Variants in RAPGEF1 observed in about 807,000 individuals in gnomAD.
RAPGEF1 encodes the protein Rap guanine nucleotide exchange factor 1, also known as CRK SH3-binding GNRP.
A neutral mutation model predicts 143.3 loss-of-function variants in RAPGEF1; 33 were observed. That is an observed-to-expected ratio of 0.23 (90% CI 0.17 to 0.31). The LOEUF (loss-of-function observed/expected upper bound fraction) is 0.31. RAPGEF1 is among the 10% of genes least tolerant of loss of function. The pLI, the probability that RAPGEF1 is intolerant of heterozygous loss-of-function variation, is 1.00. For synonymous variants in RAPGEF1, 629 were observed against 676.5 expected, an observed-to-expected ratio of 0.93 and a Z score of 1.09; for missense variants, 1,199 against 1,645.4, an observed-to-expected ratio of 0.73 and a Z score of 4.69.
intron 11 of RAPGEF1, among the ~76,000 whole-genome samples, chr9:131,620,126 G>C (rs1296140152): frequency 6.6e-6 from 1 of 152,208 alleles, no homozygotes; most frequent in Non-Finnish European, 1.5e-5. Flanking sequence ...CTGCCCTGCA[G>C]GCGTGGTAGA....
At chr9:131,625,779 A>G (rs1962818556) in intron 10 of RAPGEF1, 143 bp downstream of exon 10, 1 of 1,133,220 alleles carries the variant, frequency 8.8e-7, no homozygotes, top group Admixed American at 2.9e-5. Flanking sequence ...CCTGGCTCCC[A>G]GAAGTGTCCA....
intron 19 of RAPGEF1, 98 bp from the exon 20 acceptor site, chr9:131,589,084 C>T (rs1038436470): frequency 2.0e-5 from 23 of 1,166,822 alleles, no homozygotes; most frequent in East Asian, 1.2e-4. Context: ...GGGCTGTGAC[C>T]GGCACAGAGC....
chr9:131,658,207 C>A (rs1400022161), intron 1 of RAPGEF1, among the ~76,000 whole-genome samples: 4 of 152,176 alleles, frequency 2.6e-5, no homozygotes, highest in Non-Finnish European at 4.4e-5. Context: ...AACAATTCTC[C>A]CAAGTGGCTA....
intron 12 of RAPGEF1, among the ~76,000 whole-genome samples, chr9:131,614,239 C>A (rs1257997684): frequency 2.0e-5 from 3 of 152,206 alleles, no homozygotes. Context: ...TCAATGTGAT[C>A]TAGCTCTGAC....
chr9:131,637,909 AGGCTGG>A, intron 5 of RAPGEF1, among the ~76,000 whole-genome samples: 2 of 152,350 alleles, frequency 1.3e-5, no homozygotes, highest in East Asian at 3.9e-4. Flanking sequence ...CCAGGTGCTA[AGGCTGG>A]CCCCTTTCTA....
rs868126957 is a variant in RAPGEF1 at position 131,586,544 on chromosome 9, A to C, written c.3233+1192T>G. On this transcript the variant is annotated intron_variant, in intron 22 of 26. Transcript: ENST00000683357. ...CCGTCAAACACACACACACACACACACCTGCAGAGCGAGACTCCGTCTCAA... is the reference window on the plus strand; with the variant it reads ...CCGTCAAACACACACACACACACACCCCTGCAGAGCGAGACTCCGTCTCAA... Among the ~76,000 whole-genome samples the C allele has an allele frequency of 4.4e-4, 36 of 82,238 alleles. 6 individuals are homozygous for C. The highest frequency in any genetic ancestry group is 2.0e-3 in the African/African-American group (32 of 16,322). 54.0% of individuals were successfully genotyped at this position (82,238 alleles called of 152,430 possible).
chr9:131,595,664 C>A (rs1395452018), intron 17 of RAPGEF1, among the ~76,000 whole-genome samples: 1 of 145,306 alleles, frequency 6.9e-6, no homozygotes, highest in Admixed American at 7.0e-5. Context: ...AGGTCACTAG[C>A]ACCTCCTTTC....
chr9:131,675,398 C>T lies in RAPGEF1; in HGVS notation c.62-24449G>A, dbSNP rs867552411. On this transcript the variant is annotated intron_variant, in intron 1 of 26. Transcript: ENST00000683357. The surrounding 1 kb of genome is among the most constrained non-coding windows in gnomAD (Gnocchi z 4.6). ...CGGCAGCTTCCTGCGGGTGCCGGGA[C>T]GTGCCGTCCACAGGGTTCACCATGT... is the stretch of plus-strand genomic sequence containing the variant. 5.3e-5 allele frequency among the ~76,000 whole-genome samples: 8 copies of T among 152,266 alleles called. No individual in the cohort carries two copies. Among genetic ancestry groups the T allele is most frequent in the African/African-American group, 1.9e-4 (8 of 41,558 alleles).
At chr9:131,600,991 T>C (rs924461194) in intron 15 of RAPGEF1, among the ~76,000 whole-genome samples, 3 of 151,896 alleles carry the variant, frequency 2.0e-5, no homozygotes, top group African/African-American at 7.3e-5. Flanking sequence ...CCGTCTCTAC[T>C]AAAAATACAA....
intron 1 of RAPGEF1, among the ~76,000 whole-genome samples, chr9:131,671,244 T>C (rs182119128): frequency 5.3e-5 from 8 of 152,372 alleles, no homozygotes; most frequent in African/African-American, 1.9e-4. Flanking sequence ...ATTGAAGTTC[T>C]ATTTTAAAGG....
Position 131,592,238 on chromosome 9 carries a change from G to A in RAPGEF1, c.2690-55C>T, listed in dbSNP as rs1467223201. The A allele has an allele frequency of 1.2e-5, 17 of 1,407,810 alleles. No homozygotes were observed. In the Admixed American group the frequency reaches 1.7e-4, roughly 14 times the overall value. The allele number at this position is 1,407,810 out of a possible 1,614,324, so 87.2% of individuals were successfully genotyped here. A position where few individuals can be genotyped will look rare whatever the true frequency, so the allele number is the denominator to read the frequency against. Reference sequence around the variant, plus strand: ...GTCTGGGTGCAGAGTGCTGGGGGGTGGTAGCCAGGGTGGATTTGAGTCCTT... The same window carrying A: ...GTCTGGGTGCAGAGTGCTGGGGGGTAGTAGCCAGGGTGGATTTGAGTCCTT... On this transcript the variant is annotated intron_variant, in intron 17 of 26. Transcript: ENST00000683357.
chr9:131,718,751 C>G (rs1288013544), intron 1 of RAPGEF1, among the ~76,000 whole-genome samples: 4 of 152,110 alleles, frequency 2.6e-5, no homozygotes, highest in Admixed American at 2.6e-4. Flanking sequence ...ACCAAGAGTT[C>G]TGGTTCAGGT....
chr9:131,660,477 T>C (rs1191843995), intron 1 of RAPGEF1, among the ~76,000 whole-genome samples: 2 of 151,978 alleles, frequency 1.3e-5, no homozygotes, highest in African/African-American at 2.4e-5. Flanking sequence ...TTGTGGGCAT[T>C]TTCCCATGTG....
chr9:131,598,181 AGCC>A lies in RAPGEF1; in HGVS notation c.2613+15_2613+17del. 6.2e-7 allele frequency: 1 copy of A among 1,607,522 alleles called. No individual in the cohort carries two copies. Among genetic ancestry groups the A allele is most frequent in the African/African-American group, 1.3e-5 (1 of 74,914 alleles). On this transcript the variant is annotated intron_variant, in intron 16 of 26. Transcript: ENST00000683357. Reference sequence around the variant, plus strand: ...CTGTGGGGCCAGGCTGCAAAGCCCCAGCCCGGGAAGTTCTCACCTCCTGCTTGA... The same window carrying A: ...CTGTGGGGCCAGGCTGCAAAGCCCCACGGGAAGTTCTCACCTCCTGCTTGA...
chr9:131,709,312 T>C (rs1192493101), intron 1 of RAPGEF1, among the ~76,000 whole-genome samples: 1 of 152,100 alleles, frequency 6.6e-6, no homozygotes, highest in Non-Finnish European at 1.5e-5. Flanking sequence ...TGCCACTGCA[T>C]TCCAGCCTGG....
intron 1 of RAPGEF1, among the ~76,000 whole-genome samples, chr9:131,696,272 C>T (rs868794804): frequency 6.6e-6 from 1 of 152,114 alleles, no homozygotes; most frequent in Non-Finnish European, 1.5e-5. Context: ...CGGGGATCCC[C>T]GGACCATCCT....
At position 131,602,098 on chromosome 9, in the gene RAPGEF1, C is replaced by T. The variant is rs780721685; in HGVS notation, c.2464G>A (p.Gly822Ser). The part of the protein sequence containing the change: ...GHPRDPSAVS[G>S]VPGKDSRDGS... ...TCTCTGCTGTCCTTCCCAGGGACGCCGCTGACCGCTGAGGGATCTCTGGGA... is the reference window on the plus strand; with the variant it reads ...TCTCTGCTGTCCTTCCCAGGGACGCTGCTGACCGCTGAGGGATCTCTGGGA... Residue 822 changes from glycine (G) to serine (S), a missense_variant, in exon 15 of 27, where the codon GGC (glycine) becomes AGC (serine). By Grantham distance (56) the Gly-to-Ser change is moderately conservative. Transcript: ENST00000683357. The T allele has an allele frequency of 1.0e-5, 16 of 1,604,020 alleles. No homozygotes were observed. In the Admixed American group the frequency reaches 1.4e-4, roughly 14 times the overall value.
Position 131,628,075 on chromosome 9 carries a change from C to G in RAPGEF1, c.1039G>C (p.Ala347Pro), listed in dbSNP as rs182027174. ...CTGCCTCCTGACAGTCGCCTCTGTG[C>G]GTAACAGTCAACATCAAAATCCTCA... Reference protein sequence around the residue: ...NRQDFDVDCYAQRRLSGGSHS... With the variant: ...NRQDFDVDCYPQRRLSGGSHS... Residue 347 changes from alanine (A) to proline (P), a missense_variant, in exon 9 of 27, where the codon GCA becomes CCA. By Grantham distance (27) the Ala-to-Pro change is conservative. Around this residue, in one of 6 missense-constraint regions of RAPGEF1, gnomAD observed 613 missense variants for 710.9 expected, o/e 0.86. Transcript: ENST00000683357. The surrounding 1 kb of genome is among the most constrained non-coding windows in gnomAD (Gnocchi z 5.7). 5 of 1,555,778 alleles carry G rather than the reference C, an allele frequency of 3.2e-6. No individual in the cohort carries two copies. Among genetic ancestry groups the G allele is most frequent in the Non-Finnish European group, 3.5e-6 (4 of 1,150,256 alleles).
intron 15 of RAPGEF1, among the ~76,000 whole-genome samples, chr9:131,599,388 T>C (rs1395598585): frequency 6.6e-6 from 1 of 151,752 alleles, no homozygotes; most frequent in East Asian, 1.9e-4. Context: ...CTCAAAGTGT[T>C]AAGATTATAA....
Sources: gnomAD v4.1 joint callset for allele counts (sites outside exome capture counted in the v4.1 genomes callset) on GRCh38, gnomAD v4.1.1 for gene constraint, gnomAD v4.1.1 regional missense constraint, Gnocchi (gnomAD v3.1) non-coding constraint, MANE v1.5 for transcripts, NCBI Gene and HGNC (gene_info 2026-07-23, HGNC 2026-07-21) for gene names.